The following MLPH variants were observed in gnomAD, a reference collection of about 807,000 sequenced individuals.
The protein encoded by MLPH is exophilin-3.
A neutral mutation model predicts 72.1 loss-of-function variants in MLPH; 51 were observed. The observed-to-expected ratio is 0.71, with a 90% confidence interval of 0.56 to 0.89. The LOEUF (loss-of-function observed/expected upper bound fraction) is 0.89, where lower values mean the gene tolerates loss of function less well. Ranked by LOEUF, MLPH falls within the 40% of genes least tolerant of loss-of-function variation. The pLI is 0.00. For missense variants in MLPH, 743 were observed against 759.9 expected, an observed-to-expected ratio of 0.98 and a Z score of 0.26; for synonymous variants, 301 against 310.1, an observed-to-expected ratio of 0.97 and a Z score of 0.31.
At chr2:237,521,005 T>A (rs150756080) in intron 6 of MLPH, among the ~76,000 whole-genome samples, 1 of 152,098 alleles carries the variant, frequency 6.6e-6, no homozygotes, top group Non-Finnish European at 1.5e-5. Flanking sequence ...AAGCCTAAGG[T>A]GTTTACACCT....
intron 4 of MLPH, chr2:237,517,905 A>G: frequency 5.8e-6 from 1 of 172,746 alleles, no homozygotes; most frequent in Non-Finnish European, 1.2e-5. Flanking sequence ...GCAGATGGGT[A>G]GGCGGATAAG....
rs545517153 is a variant in MLPH at position 237,511,053 on chromosome 2, G to A, written c.397G>A (p.Gly133Arg). The part of the protein sequence containing the change: ...EHVKARFKRF[G>R]SAKVIRSLHG... ...TGTGAAAGCCCGCTTCAAGAGGTTC[G>A]GAAGTGCCAAGGTCATCCGGTCCCT... is the stretch of plus-strand genomic sequence containing the variant. The change falls in exon 4 of 16, where the codon GGA becomes AGA. Residue 133 changes from glycine (G) to arginine (R), a missense_variant. Transcript: ENST00000264605. 35 of 1,613,886 alleles carry A rather than the reference G, an allele frequency of 2.2e-5. No homozygotes were observed. Among genetic ancestry groups the A allele is most frequent in the South Asian group, 4.4e-5 (4 of 91,080 alleles).
At chr2:237,518,707 C>A in intron 5 of MLPH, 59 bp downstream of exon 5, 1 of 1,358,940 alleles carries the variant, frequency 7.4e-7, no homozygotes, top group Non-Finnish European at 1.0e-6. Context: ...GCAGCTGGGA[C>A]GTCAGGTTCT....
At chr2:237,545,518 G>A in intron 12 of MLPH, 1 of 1,289,198 alleles carries the variant, frequency 7.8e-7, no homozygotes, top group Non-Finnish European at 1.0e-6. Context: ...CACCCTGACA[G>A]TGTAAAATCC....
chr2:237,497,731 A>G (rs551389866), intron 2 of MLPH, among the ~76,000 whole-genome samples: 1 of 152,244 alleles, frequency 6.6e-6, no homozygotes, highest in East Asian at 1.9e-4. Flanking sequence ...CCTGTCTTTC[A>G]TCATTGCTAA....
In MLPH at chr2:237,553,620, C is replaced by T. The variant is rs1368376499; in HGVS notation, c.*28C>T. On this transcript the variant is annotated 3_prime_UTR_variant, in exon 16 of 16. Transcript: ENST00000264605. ...GGACAGGACAGAGAGACAGAGCAGC[C>T]CTGCACTGTTTTCCCTCCACCACAG... 3.1e-6 allele frequency: 5 copies of T among 1,614,002 alleles called. No homozygotes were observed. The highest frequency in any genetic ancestry group is 2.7e-5 in the African/African-American group (2 of 74,926).
intron 8 of MLPH, among the ~76,000 whole-genome samples, chr2:237,528,809 A>G (rs2106347147): frequency 6.6e-6 from 1 of 152,206 alleles, no homozygotes; most frequent in Middle Eastern, 3.4e-3. Flanking sequence ...TTCTGTCTCA[A>G]TGGATTTGTC....
At chr2:237,502,236 A>C (rs888666910) in intron 2 of MLPH, among the ~76,000 whole-genome samples, 1 of 152,236 alleles carries the variant, frequency 6.6e-6, no homozygotes, top group Non-Finnish European at 1.5e-5. Context: ...ATCACATGTT[A>C]TTATTTTTTA....
In MLPH at chr2:237,541,068, C is replaced by T; in HGVS notation, c.1446+111C>T. The T allele has an allele frequency of 7.2e-7, 1 of 1,382,338 alleles. No homozygotes were observed. The highest frequency in any genetic ancestry group is 1.0e-6 in the Non-Finnish European group (1 of 997,094). The allele number at this position is 1,382,338 out of a possible 1,614,324, so 85.6% of individuals were successfully genotyped here. A position where few individuals can be genotyped will look rare whatever the true frequency, so the allele number is the denominator to read the frequency against. On this transcript the variant is annotated intron_variant, in intron 11 of 15. Transcript: ENST00000264605. The surrounding 1 kb of genome is among the most constrained non-coding windows in gnomAD (Gnocchi z 5.1). Reference sequence around the variant, plus strand: ...CATCCGCCAGCTCACACTGAGCCCTCCCCATTGGCCCAGCATGCACGGCTC... The same window carrying T: ...CATCCGCCAGCTCACACTGAGCCCTTCCCATTGGCCCAGCATGCACGGCTC...
Position 237,553,657 on chromosome 2 carries a change from C to G in MLPH, c.*65C>G, listed in dbSNP as rs200240032. 3.0e-3 allele frequency: 4,833 copies of G among 1,606,204 alleles called. 12 individuals are homozygous for G. Among genetic ancestry groups the G allele is most frequent in the Non-Finnish European group, 3.8e-3 (4,507 of 1,172,734 alleles). On this transcript the variant is annotated 3_prime_UTR_variant, in exon 16 of 16. Coordinates refer to ENST00000264605, the MANE Select transcript of MLPH (RefSeq NM_024101.7). ...TCCCTCCACCACAGCCATCCTGTCC[C>G]TCATTGGCTCTGTGCTTTCCACTAT...
chr2:237,552,363 A>G lies in MLPH; in HGVS notation c.1702A>G (p.Lys568Glu). The stretch of plus-strand genomic sequence containing the variant: ...TAAAGATGATGATTCTTTTGATCGG[A>G]AATCAGTGTACCGAGGCTCGCTGAC... ...QGKDDDSFDR[K>E]SVYRGSLTQR... The change falls in exon 15 of 16, where the codon AAA (lysine) becomes GAA (glutamate). Residue 568 changes from lysine to glutamate, a missense_variant. Transcript: ENST00000264605. 6.2e-7 allele frequency: 1 copy of G among 1,614,064 alleles called. No homozygotes were observed. Among genetic ancestry groups the G allele is most frequent in the Non-Finnish European group, 8.5e-7 (1 of 1,179,984 alleles).
rs368351440 is a variant in MLPH at position 237,544,373 on chromosome 2, C to T, written c.1539+1714C>T. 2.0e-3 allele frequency among the ~76,000 whole-genome samples: 12 copies of T among 6,032 alleles called. 1 individual carries two copies. Among genetic ancestry groups the T allele is most frequent in the Admixed American group, 0.011 (4 of 358 alleles). 4.0% of individuals were successfully genotyped at this position (6,032 alleles called of 152,430 possible). A position where few individuals can be genotyped will look rare whatever the true frequency, so the allele number is the denominator to read the frequency against. ...ATGGGGACAGTAGTGAGTGGGGGACCGTGGTGAGTGGGGGCACAGTGGTGA... is the reference window on the plus strand; with the variant it reads ...ATGGGGACAGTAGTGAGTGGGGGACTGTGGTGAGTGGGGGCACAGTGGTGA... On this transcript the variant is annotated intron_variant, in intron 12 of 15. Transcript: ENST00000264605.
intron 7 of MLPH, 97 bp downstream of exon 7, chr2:237,525,902 G>A (rs2106340159): frequency 8.1e-7 from 1 of 1,235,944 alleles, no homozygotes; most frequent in Non-Finnish European, 1.1e-6. Context: ...CAACACACGG[G>A]CTGATTTGAA....
At position 237,551,815 on chromosome 2, in the gene MLPH, TA is replaced by T. The variant is rs201597976; in HGVS notation, c.1676-516del. Among the ~76,000 whole-genome samples the T allele has an allele frequency of 6.4e-4, 97 of 151,430 alleles. No homozygotes were observed. The East Asian group carries it at 0.016, about 25-fold the overall frequency. On this transcript the variant is annotated intron_variant, in intron 14 of 15. Coordinates refer to ENST00000264605, the MANE Select transcript of MLPH (RefSeq NM_024101.7). ...CAACATGGTGAAACCCCATCTCTAC[TA>T]AAAAATACAAAAATTAGCCAGGCAT... is the stretch of plus-strand genomic sequence containing the variant.
chr2:237,515,969 CAG>C, intron 4 of MLPH, among the ~76,000 whole-genome samples: 1 of 152,230 alleles, frequency 6.6e-6, no homozygotes, highest in East Asian at 1.9e-4. Context: ...CATCACAGAG[CAG>C]AGAGTGAAGG....
intron 13 of MLPH, 101 bp from the exon 14 acceptor site, chr2:237,549,120 G>A (rs1443083393): frequency 1.9e-6 from 2 of 1,051,068 alleles, no homozygotes; most frequent in African/African-American, 1.6e-5. Context: ...TAGTGGCCAT[G>A]GTTAATTAGA....
At chr2:237,540,774 G>C (rs937526635) in intron 10 of MLPH, 28 bp from the exon 11 acceptor site, 11 of 1,611,122 alleles carry the variant, frequency 6.8e-6, no homozygotes, top group Non-Finnish European at 9.3e-6. Flanking sequence ...TCCTGCTGCT[G>C]GTCAGCCTCC....
At chr2:237,488,531 T>A (rs1442314330) in intron 1 of MLPH, among the ~76,000 whole-genome samples, 2 of 152,146 alleles carry the variant, frequency 1.3e-5, no homozygotes, top group Non-Finnish European at 1.5e-5. Context: ...GCCCCCTCCC[T>A]GCCCAGGACC....
intron 2 of MLPH, among the ~76,000 whole-genome samples, chr2:237,494,456 G>A (rs539954940): frequency 1.3e-5 from 2 of 152,178 alleles, no homozygotes; most frequent in African/African-American, 4.8e-5. Context: ...GCTTCACAGG[G>A]CCTCACCCTT....
Sources: gnomAD v4.1 joint callset for allele counts (sites outside exome capture counted in the v4.1 genomes callset) on GRCh38, gnomAD v4.1.1 for gene constraint, Gnocchi (gnomAD v3.1) non-coding constraint, MANE v1.5 for transcripts, NCBI Gene and HGNC (gene_info 2026-07-23, HGNC 2026-07-21) for gene names.